LAMA3: variants seen among roughly 807,000 people sequenced by gnomAD.
The protein encoded by LAMA3 is laminin subunit alpha 3, also known as laminin subunit alpha-3.
LAMA3 carries 281 observed loss-of-function variants against 402.0 expected under a neutral mutation model. The ratio of observed to expected loss-of-function variants is 0.70; its 90% CI spans 0.63 to 0.77. The LOEUF is 0.77. Ranked by LOEUF, LAMA3 falls within the 30% of genes least tolerant of loss-of-function variation. The pLI, the probability that LAMA3 is intolerant of heterozygous loss-of-function variation, is 0.00. For missense variants in LAMA3, 3,840 were observed against 4,215.5 expected, an observed-to-expected ratio of 0.91 and a Z score of 2.47; for synonymous variants, 1,431 against 1,558.4, an observed-to-expected ratio of 0.92 and a Z score of 1.93.
In LAMA3 at chr18:23,950,226, C is replaced by T. The variant is rs1439493741; in HGVS notation, c.9642+67C>T. 24 of 1,591,090 alleles carry T rather than the reference C, an allele frequency of 1.5e-5. No homozygotes were observed. In the East Asian group the frequency reaches 3.1e-4, roughly 21 times the overall value. ...CAGCTTCAATGTCTGGAGGCCACAG[C>T]GGGTCAGGTTTGTAGTAGAGAATGG... On this transcript the variant is annotated intron_variant, in intron 72 of 74. Transcript: ENST00000313654.
Position 23,842,641 on chromosome 18 carries a change from T to G in LAMA3, c.3494T>G (p.Val1165Gly), listed in dbSNP as rs1053375387. The G allele has an allele frequency of 6.2e-7, 1 of 1,614,224 alleles. No homozygotes were observed. Among genetic ancestry groups the G allele is most frequent in the Non-Finnish European group, 8.5e-7 (1 of 1,180,040 alleles). The change falls in exon 29 of 75, where the codon GTG (valine) becomes GGG (glycine). Residue 1165 changes from valine to glycine, a missense_variant. Around this residue, in one of 3 missense-constraint regions of LAMA3, gnomAD observed 2,109 missense variants for 2,376.0 expected, o/e 0.89. Transcript: ENST00000313654. ...TTCCATGCCTCTTTTTGCCCCCATG[T>G]GCTTGGCTGCCGGGATCAAGTGATT... is the stretch of plus-strand genomic sequence containing the variant. The part of the protein sequence containing the change: ...GSFHASFCPH[V>G]LGCRDQVIAE...
At chr18:23,733,025 CT>C (rs2061418269) in intron 2 of LAMA3, among the ~76,000 whole-genome samples, 2 of 152,074 alleles carry the variant, frequency 1.3e-5, no homozygotes, top group South Asian at 4.2e-4. Context: ...CTCTCTTGAC[CT>C]GCATTTCCTC....
rs2060535750 is a variant in LAMA3, at chr18:23,689,474, C to T, written c.-210C>T. 2.5e-6 allele frequency: 1 copy of T among 392,744 alleles called. No homozygotes were observed. Among genetic ancestry groups the T allele is most frequent in the Non-Finnish European group, 4.3e-6 (1 of 229,984 alleles). The allele number at this position is 392,744 out of a possible 1,614,324, so 24.3% of individuals were successfully genotyped here. On this transcript the variant is annotated 5_prime_UTR_variant, in exon 1 of 75. Coordinates refer to ENST00000313654, the MANE Select transcript of LAMA3 (RefSeq NM_198129.4). ...TGTCAGTTCCTGATCCGGCTGGTGC[C>T]CGCTCCAGCCGCGGCAGGTTCCAGA...
rs182679957 is a variant in LAMA3, at chr18:23,723,880, T to A, written c.447+9808T>A. ...GTTACCTATACTATCTGTATTTTTT[T>A]TAAAATTTTTATTTCTATAGGTTTT... On this transcript the variant is annotated intron_variant, in intron 2 of 74. Coordinates refer to ENST00000313654, the MANE Select transcript of LAMA3 (RefSeq NM_198129.4). 1.6e-4 allele frequency among the ~76,000 whole-genome samples: 24 copies of A among 152,336 alleles called. 1 individual carries two copies. In the East Asian group the frequency reaches 4.0e-3, roughly 26 times the overall value.
At chr18:23,884,685 A>T in intron 40 of LAMA3, 88 bp from the exon 41 acceptor site, 1 of 1,244,878 alleles carries the variant, frequency 8.0e-7, no homozygotes, top group Non-Finnish European at 1.2e-6. Context: ...GTGCTCACTT[A>T]ATACAAGCCA....
In LAMA3 at chr18:23,914,562, G is replaced by C; in HGVS notation, c.7481+1G>C. On this transcript the variant is annotated splice_donor_variant, in intron 57 of 74. Coordinates refer to ENST00000313654, the MANE Select transcript of LAMA3 (RefSeq NM_198129.4). LOFTEE classifies it high-confidence loss of function. ...TTATGGATCGGGTGAAATTTCAGAG[G>C]TACAAGTCTGATTGACTGTACCTGT... 1.9e-6 allele frequency: 3 copies of C among 1,613,956 alleles called. No individual in the cohort carries two copies. Among genetic ancestry groups the C allele is most frequent in the Non-Finnish European group, 2.5e-6 (3 of 1,179,938 alleles).
rs960817151 is a variant in LAMA3 at position 23,879,548 on chromosome 18, G to A, written c.5113-2388G>A. ...CGAGGGACCAACCCTTCTTTACATC[G>A]CTAGAGCCTAGCATAGTTGGGCATA... On this transcript the variant is annotated intron_variant, in intron 39 of 74. Coordinates refer to ENST00000313654, the MANE Select transcript of LAMA3 (RefSeq NM_198129.4). This position sits in a 1 kb window ranked among gnomAD's most constrained non-coding sequence, Gnocchi z 4.2. Among the ~76,000 whole-genome samples, 6 of 152,140 alleles carry A rather than the reference G, an allele frequency of 3.9e-5. No homozygotes were observed. In the East Asian group the frequency reaches 5.8e-4, roughly 15 times the overall value.
intron 12 of LAMA3, among the ~76,000 whole-genome samples, chr18:23,802,160 A>C (rs2062876882): frequency 6.6e-6 from 1 of 152,246 alleles, no homozygotes; most frequent in African/African-American, 2.4e-5. Flanking sequence ...TGGATTTTGA[A>C]TATTCAAATT....
intron 30 of LAMA3, 71 bp from the exon 31 acceptor site, chr18:23,846,225 TA>T: frequency 6.9e-7 from 1 of 1,454,128 alleles, no homozygotes; most frequent in South Asian, 1.1e-5. Context: ...GAGCAGGTGG[TA>T]AAGGCAAGGT....
chr18:23,862,388 T>C (rs540526370), intron 35 of LAMA3, among the ~76,000 whole-genome samples: 1 of 152,280 alleles, frequency 6.6e-6, no homozygotes, highest in South Asian at 2.1e-4. Context: ...AGGACAGAAA[T>C]GCAGGCCTCA....
At position 23,827,477 on chromosome 18, in the gene LAMA3, C is replaced by T. The variant is rs955999281; in HGVS notation, c.2823+10C>T. On this transcript the variant is annotated intron_variant, in intron 23 of 74. Transcript: ENST00000313654. ...CCTCAGCGGGAGAGAGGTGGGCCAG[C>T]CTTTTATTTATTATCAAAGTTATTA... 6.2e-7 allele frequency: 1 copy of T among 1,613,676 alleles called. No individual in the cohort carries two copies. The highest frequency in any genetic ancestry group is 1.7e-5 in the Admixed American group (1 of 60,006).
At chr18:23,936,475 C>A (rs1258519898) in intron 67 of LAMA3, among the ~76,000 whole-genome samples, 1 of 146,342 alleles carries the variant, frequency 6.8e-6, no homozygotes, top group South Asian at 2.3e-4. Flanking sequence ...GCACAAAGAA[C>A]GTGCTCTTCT....
intron 8 of LAMA3, among the ~76,000 whole-genome samples, chr18:23,771,789 A>C (rs1717144894): frequency 1.3e-5 from 2 of 152,200 alleles, no homozygotes; most frequent in Non-Finnish European, 2.9e-5. Flanking sequence ...GGGGGAGTGT[A>C]AAGGTGTTCA....
At position 23,832,990 on chromosome 18, in the gene LAMA3, G is replaced by A. The variant is rs74900671; in HGVS notation, c.2824-838G>A. Reference sequence around the variant, plus strand: ...TAATCCTCAGAACAATCTTAAGAGGGGGGTACTATTGTTATCTGTATTTTA... The same window carrying A: ...TAATCCTCAGAACAATCTTAAGAGGAGGGTACTATTGTTATCTGTATTTTA... On this transcript the variant is annotated intron_variant, in intron 23 of 74. Coordinates refer to ENST00000313654, the MANE Select transcript of LAMA3 (RefSeq NM_198129.4). Among the ~76,000 whole-genome samples the A allele has an allele frequency of 5.7e-3, 865 of 152,168 alleles. 11 individuals are homozygous for A. The highest frequency in any genetic ancestry group is 0.02 in the African/African-American group (829 of 41,510).
chr18:23,876,875 G>T (rs371544994), intron 39 of LAMA3, among the ~76,000 whole-genome samples: 4 of 152,286 alleles, frequency 2.6e-5, no homozygotes. Context: ...TCCAACATTA[G>T]CTGGGCATGG....
intron 12 of LAMA3, among the ~76,000 whole-genome samples, chr18:23,800,602 C>A (rs1044046183): frequency 3.8e-4 from 58 of 152,030 alleles, no homozygotes; most frequent in Non-Finnish European, 1.8e-4. Flanking sequence ...CCACATTCAC[C>A]CTGCAGTATT....
At chr18:23,893,568 G>C (rs546338373) in intron 42 of LAMA3, among the ~76,000 whole-genome samples, 1 of 152,102 alleles carries the variant, frequency 6.6e-6, no homozygotes, top group South Asian at 2.1e-4. Context: ...GGGTGAGAGA[G>C]TGAGACTCCC....
chr18:23,801,124 T>C (rs561667323), intron 12 of LAMA3, among the ~76,000 whole-genome samples: 231 of 152,356 alleles, frequency 1.5e-3, no homozygotes, highest in African/African-American at 5.3e-3. Context: ...AATGAACTCA[T>C]GTCCTTTGCA....
At chr18:23,892,604 T>C (rs897896267) in intron 42 of LAMA3, among the ~76,000 whole-genome samples, 10 of 152,034 alleles carry the variant, frequency 6.6e-5, no homozygotes, top group Non-Finnish European at 1.5e-4. Flanking sequence ...TCACAATATA[T>C]ACATATAAGA....
Sources: gnomAD v4.1 joint callset for allele counts (sites outside exome capture counted in the v4.1 genomes callset) on GRCh38, gnomAD v4.1.1 for gene constraint, gnomAD v4.1.1 regional missense constraint, Gnocchi (gnomAD v3.1) non-coding constraint, MANE v1.5 for transcripts, NCBI Gene and HGNC (gene_info 2026-07-23, HGNC 2026-07-21) for gene names.